The following LGALS9B variants were observed in gnomAD, a reference collection of about 807,000 sequenced individuals.
LGALS9B encodes the protein galectin-9B.
A neutral mutation model predicts 35.9 loss-of-function variants in LGALS9B; 8 were observed. The ratio of observed to expected loss-of-function variants is 0.22; its 90% CI spans 0.13 to 0.40. LGALS9B has a LOEUF of 0.40. Among genes scored for constraint, LGALS9B ranks in the 10% least tolerant of loss-of-function variants. LGALS9B has a pLI of 1.00. For missense variants in LGALS9B, 101 were observed against 397.9 expected (o/e 0.25, Z 6.35); for synonymous variants, 42 against 148.6 (o/e 0.28, Z 5.22).
rs1382504895 is a variant in LGALS9B at position 20,453,053 on chromosome 17, G to A, written c.591C>T (p.Ile197=). The A allele has an allele frequency of 7.2e-7, 1 of 1,397,058 alleles. No individual in the cohort carries two copies. Among genetic ancestry groups the A allele is most frequent in the Admixed American group, 1.9e-5 (1 of 53,388 alleles). The allele number at this position is 1,397,058 out of a possible 1,614,324, so 86.5% of individuals were successfully genotyped here. A position where few individuals can be genotyped will look rare whatever the true frequency, so the allele number is the denominator to read the frequency against. ...GTCCAGAGGCGCTCTGCACCGTGTG[G>A]ATGACTGTCTGGGTCTGGAAGAAAG... ...ANPAPITQTV[I]HTVQSASGQM... Residue 197 remains isoleucine (I), a synonymous_variant, in exon 7 of 11, where the codon ATC becomes ATT. Transcript: ENST00000423676.
chr17:20,455,726 G>A (rs1290730074), intron 4 of LGALS9B, among the ~76,000 whole-genome samples: 6 of 151,300 alleles, frequency 4.0e-5, no homozygotes, highest in South Asian at 2.1e-4. Flanking sequence ...GAGCTCCCTC[G>A]AATGCCAAAA....
At chr17:20,458,623 AG>A (rs1440636314) in intron 2 of LGALS9B, among the ~76,000 whole-genome samples, 3 of 145,082 alleles carry the variant, frequency 2.1e-5, no homozygotes, top group African/African-American at 7.6e-5. Flanking sequence ...AAAATGGCTA[AG>A]GGAAAGTGCT....
intron 4 of LGALS9B, among the ~76,000 whole-genome samples, chr17:20,456,012 CT>C: frequency 6.8e-6 from 1 of 146,700 alleles, no homozygotes; most frequent in Non-Finnish European, 1.5e-5. Flanking sequence ...GTCTCCTGAC[CT>C]TTTAGATGTT....
At chr17:20,452,036 T>C in intron 8 of LGALS9B, 153 bp from the exon 9 acceptor site, 1 of 1,103,074 alleles carries the variant, frequency 9.1e-7, no homozygotes, top group Non-Finnish European at 1.3e-6. Flanking sequence ...AAAGGAAAAC[T>C]TTCCGGTGCT....
chr17:20,457,251 G>T (rs2042694354), intron 3 of LGALS9B: 1 of 54,098 alleles, frequency 1.8e-5, no homozygotes, highest in Admixed American at 2.2e-4. Flanking sequence ...GGATTATAAG[G>T]GTGAGCCGCC....
intron 1 of LGALS9B, 131 bp downstream of exon 1, chr17:20,467,301 T>A (rs968911267): frequency 4.8e-6 from 3 of 628,402 alleles, no homozygotes; most frequent in Non-Finnish European, 8.5e-6. Flanking sequence ...CACTGACATT[T>A]CTGCCCTGCT....
Position 20,451,653 on chromosome 17 carries a change from G to A in LGALS9B, c.762-10C>T. The A allele has an allele frequency of 6.3e-7, 1 of 1,597,912 alleles. No homozygotes were observed. The highest frequency in any genetic ancestry group is 1.1e-5 in the South Asian group (1 of 90,636). On this transcript the variant is annotated splice_polypyrimidine_tract_variant and intron_variant, in intron 9 of 10. Coordinates refer to ENST00000423676, the MANE Select transcript of LGALS9B (RefSeq NM_001367292.2). The stretch of plus-strand genomic sequence containing the variant: ...CAGGTTGATGTGGAACCTGCGGTGG[G>A]CAGCCTACCTGGACCTTTGTCCACT...
chr17:20,466,973 G>C (rs1003882180), intron 1 of LGALS9B, among the ~76,000 whole-genome samples: 8 of 143,416 alleles, frequency 5.6e-5, no homozygotes, highest in Non-Finnish European at 9.0e-5. Context: ...CCCTGGGAGT[G>C]GGGGGCTCAA....
In LGALS9B at chr17:20,452,627, A is replaced by G. The variant is rs1421496812; in HGVS notation, c.628-232T>C. On this transcript the variant is annotated intron_variant, in intron 7 of 10. Transcript: ENST00000423676. ...CCTCAGCCCCTCCGCAGGCAGCCCC[A>G]CTAATGCTAAGTTCCCGGCCTGATT... Among the ~76,000 whole-genome samples the G allele has an allele frequency of 1.2e-4, 6 of 49,696 alleles. No homozygotes were observed. The East Asian group carries it at 1.5e-3, about 13-fold the overall frequency. The allele number at this position is 49,696 out of a possible 152,430, so 32.6% of individuals were successfully genotyped here. A position where few individuals can be genotyped will look rare whatever the true frequency, so the allele number is the denominator to read the frequency against.
At chr17:20,467,235 G>A (rs553854925) in intron 1 of LGALS9B, among the ~76,000 whole-genome samples, 197 bp downstream of exon 1, 11 of 144,974 alleles carry the variant, frequency 7.6e-5, no homozygotes, top group Admixed American at 4.8e-4. Context: ...CATGGGAGGA[G>A]CATCCCTCCA....
chr17:20,451,150 G>A (rs1474025664), intron 10 of LGALS9B, among the ~76,000 whole-genome samples: 24 of 151,234 alleles, frequency 1.6e-4, no homozygotes, highest in African/African-American at 4.6e-4. Context: ...CAAAGCGGGC[G>A]ACAGTGAAAT....
intron 10 of LGALS9B, among the ~76,000 whole-genome samples, chr17:20,451,207 C>T (rs2042645793): frequency 1.3e-5 from 2 of 149,360 alleles, no homozygotes; most frequent in South Asian, 4.2e-4. Flanking sequence ...CTTCTTGGGT[C>T]TGATTTGACA....
At chr17:20,460,284 C>A in intron 2 of LGALS9B, 68 bp downstream of exon 2, 2 of 1,610,154 alleles carry the variant, frequency 1.2e-6, no homozygotes, top group Admixed American at 3.3e-5. Flanking sequence ...CTAACCGAGG[C>A]TCACAGGCAC....
In LGALS9B at chr17:20,461,031, C is replaced by T. The variant is rs1352974583; in HGVS notation, c.40-588G>A. On this transcript the variant is annotated intron_variant, in intron 1 of 10. Transcript: ENST00000423676. ...CCACCATGACCTTTGCCCTCCTGAC[C>T]ACCTTCAGCAGAGCCTCTTCCCAGA... Among the ~76,000 whole-genome samples the T allele has an allele frequency of 6.6e-5, 4 of 60,876 alleles. 1 individual carries two copies. The highest frequency in any genetic ancestry group is 1.6e-4 in the Non-Finnish European group (4 of 25,746). 39.9% of individuals were successfully genotyped at this position (60,876 alleles called of 152,430 possible).
In LGALS9B at chr17:20,451,943, G is replaced by A. The variant is rs2042652891; in HGVS notation, c.673-60C>T. ...AGCCAGGGCAGCCGCCACATGGAAG[G>A]GGAAGATTGTACCATTTCCCATGAA... On this transcript the variant is annotated intron_variant, in intron 8 of 10. Transcript: ENST00000423676. The A allele has an allele frequency of 3.7e-6, 5 of 1,356,922 alleles. 1 individual carries two copies. Among genetic ancestry groups the A allele is most frequent in the South Asian group, 2.4e-5 (2 of 84,612 alleles). The allele number at this position is 1,356,922 out of a possible 1,614,324, so 84.1% of individuals were successfully genotyped here. A position where few individuals can be genotyped will look rare whatever the true frequency, so the allele number is the denominator to read the frequency against.
At chr17:20,459,020 G>A (rs1189386177) in intron 2 of LGALS9B, among the ~76,000 whole-genome samples, 1 of 152,046 alleles carries the variant, frequency 6.6e-6, no homozygotes, top group East Asian at 1.9e-4. Flanking sequence ...TGGGGGATGA[G>A]ATGGGAGGAT....
In LGALS9B at chr17:20,453,230, G is replaced by A. The variant is rs538163092; in HGVS notation, c.577-163C>T. 1.2e-5 allele frequency: 10 copies of A among 854,108 alleles called. No individual in the cohort carries two copies. In the East Asian group the frequency reaches 2.2e-4, roughly 19 times the overall value. The allele number at this position is 854,108 out of a possible 1,614,324, so 52.9% of individuals were successfully genotyped here. On this transcript the variant is annotated intron_variant, in intron 6 of 10. Coordinates refer to ENST00000423676, the MANE Select transcript of LGALS9B (RefSeq NM_001367292.2). ...GTCCAGGGGACGAGGGAGAGGCAAAGGTTAGAACCCTGGAGAAGACAGATG... is the reference window on the plus strand; with the variant it reads ...GTCCAGGGGACGAGGGAGAGGCAAAAGTTAGAACCCTGGAGAAGACAGATG...
chr17:20,450,284 C>T (rs1165607054), intron 10 of LGALS9B, among the ~76,000 whole-genome samples, 165 bp from the exon 11 acceptor site: 3 of 139,238 alleles, frequency 2.2e-5, no homozygotes, highest in Non-Finnish European at 1.6e-5. Context: ...TGTGCGTGCT[C>T]CTTCCCCTGT....
chr17:20,451,169 G>T (rs2042645483), intron 10 of LGALS9B, among the ~76,000 whole-genome samples: 1 of 150,956 alleles, frequency 6.6e-6, no homozygotes, highest in African/African-American at 2.4e-5. Context: ...ATCGTTGAAT[G>T]AGTCAGTGAA....
Sources: allele counts gnomAD v4.1 joint callset (sites outside exome capture counted in the v4.1 genomes callset), GRCh38; gene constraint gnomAD v4.1.1; transcripts MANE v1.5; gene names NCBI Gene and HGNC (gene_info 2026-07-23, HGNC 2026-07-21).